The following CHD2 variants were observed in gnomAD, a reference collection of about 807,000 sequenced individuals.
CHD2 encodes ATP-dependent chromatin remodeler CHD2.
CHD2 carries 28 observed loss-of-function variants against 243.9 expected under a neutral mutation model. The ratio of observed to expected loss-of-function variants is 0.11; its 90% CI spans 0.09 to 0.16. The LOEUF is 0.16. CHD2 is among the 10% of genes least tolerant of loss of function. The pLI is 1.00. For missense variants in CHD2, 1,386 were observed against 2,209.8 expected, an observed-to-expected ratio of 0.63 and a Z score of 7.47; for synonymous variants, 775 against 779.0, an observed-to-expected ratio of 0.99 and a Z score of 0.09.
rs191486041 is a variant in CHD2, at chr15:92,964,288, A to G, written c.2001-3037A>G. Among the ~76,000 whole-genome samples, 27 of 152,342 alleles carry G rather than the reference A, an allele frequency of 1.8e-4. No individual in the cohort carries two copies. The East Asian group carries it at 5.2e-3, about 29-fold the overall frequency. Reference sequence around the variant, plus strand: ...ATTGTCATTTTCAAATAAAGTTTCAAAATTGTTGTTCACAAAGATATGTAT... The same window carrying G: ...ATTGTCATTTTCAAATAAAGTTTCAGAATTGTTGTTCACAAAGATATGTAT... On this transcript the variant is annotated intron_variant, in intron 16 of 38. Transcript: ENST00000394196.
rs1452548579 is a variant in CHD2 at position 93,027,149 on chromosome 15, G to T, written c.*2444G>T. 1 of 152,524 alleles carries T rather than the reference G, an allele frequency of 6.6e-6. No homozygotes were observed. The highest frequency in any genetic ancestry group is 1.5e-5 in the Non-Finnish European group (1 of 68,014). The allele number at this position is 152,524 out of a possible 1,614,324, so 9.4% of individuals were successfully genotyped here. A position where few individuals can be genotyped will look rare whatever the true frequency, so the allele number is the denominator to read the frequency against. On this transcript the variant is annotated 3_prime_UTR_variant, in exon 39 of 39. Transcript: ENST00000394196. ...TGTTTGAAGAGTGTGCTGGGAAAAA[G>T]GAAGCATTTCTTCATTGATTTAAAT...
intron 16 of CHD2, among the ~76,000 whole-genome samples, chr15:92,959,709 C>T (rs1273700310): frequency 6.6e-6 from 1 of 152,180 alleles, no homozygotes; most frequent in Non-Finnish European, 1.5e-5. Flanking sequence ...CCAGGCTGGT[C>T]TCGAACTCCT....
At chr15:92,921,636 A>G (rs569394813) in intron 2 of CHD2, among the ~76,000 whole-genome samples, 1 of 152,310 alleles carries the variant, frequency 6.6e-6, no homozygotes, top group Non-Finnish European at 1.5e-5. Flanking sequence ...CGACTCACTA[A>G]TGGGTGTTAG....
intron 13 of CHD2, among the ~76,000 whole-genome samples, chr15:92,950,115 C>T (rs373425839): frequency 3.3e-5 from 5 of 152,154 alleles, no homozygotes; most frequent in African/African-American, 1.2e-4. Context: ...TGGGCACGTT[C>T]GGACATGTCT....
chr15:92,902,396 A>G (rs1481675152), intron 2 of CHD2: 1 of 380,386 alleles, frequency 2.6e-6, no homozygotes, highest in Non-Finnish European at 4.6e-6. Flanking sequence ...TAAATCATGC[A>G]GTTTAACAAG....
At chr15:92,986,224 T>C (rs1005778468) in intron 26 of CHD2, among the ~76,000 whole-genome samples, 4 of 152,208 alleles carry the variant, frequency 2.6e-5, no homozygotes, top group African/African-American at 9.6e-5. Context: ...CATTTCTTGG[T>C]ATCTGATTCA....
chr15:92,958,105 T>C (rs2053639918), intron 16 of CHD2, among the ~76,000 whole-genome samples: 1 of 152,204 alleles, frequency 6.6e-6, no homozygotes. Flanking sequence ...TGTTTTTCTT[T>C]CTCTTGCTTA....
chr15:93,016,762 A>C (rs1312164770), intron 37 of CHD2, among the ~76,000 whole-genome samples: 1 of 109,160 alleles, frequency 9.2e-6, no homozygotes, highest in African/African-American at 3.1e-5. Context: ...AGTCTGGGCA[A>C]TAGAGTGAGA....
At chr15:92,981,028 G>T in intron 23 of CHD2, 117 bp downstream of exon 23, 1 of 730,294 alleles carries the variant, frequency 1.4e-6, no homozygotes, top group Non-Finnish European at 2.4e-6. Flanking sequence ...TTACTTGAAG[G>T]ACAGTGTGTT....
At chr15:93,002,430 T>G in intron 33 of CHD2, 113 bp downstream of exon 33, 21 of 1,480,862 alleles carry the variant, frequency 1.4e-5, no homozygotes, top group Non-Finnish European at 1.9e-5. Flanking sequence ...TTTATGGGTA[T>G]GTTCAAGAAG....
chr15:92,984,306 A>G (rs1192669380), intron 24 of CHD2, 24 bp from the exon 25 acceptor site: 3 of 1,494,284 alleles, frequency 2.0e-6, no homozygotes, highest in Non-Finnish European at 2.7e-6. Context: ...GGGAAATGTC[A>G]GACAATGGGT....
At position 93,027,496 on chromosome 15, in the gene CHD2, C is replaced by G. The variant is rs1309576532; in HGVS notation, c.*2791C>G. The stretch of plus-strand genomic sequence containing the variant: ...GGGCTCACTCTCCTTTCAGTCATTC[C>G]TCAGCCCTTCGAAGGGAAGCCCAAA... On this transcript the variant is annotated 3_prime_UTR_variant, in exon 39 of 39. Transcript: ENST00000394196. The G allele has an allele frequency of 6.6e-6, 1 of 152,332 alleles. No homozygotes were observed. The highest frequency in any genetic ancestry group is 1.9e-4 in the East Asian group (1 of 5,204). 9.4% of individuals were successfully genotyped at this position (152,332 alleles called of 1,614,324 possible).
chr15:92,910,476 T>G (rs2052711522), intron 2 of CHD2, among the ~76,000 whole-genome samples: 1 of 152,096 alleles, frequency 6.6e-6, no homozygotes, highest in African/African-American at 2.4e-5. Context: ...CATTGCAACC[T>G]CCGCCTCCCA....
chr15:92,935,555 C>T (rs1159223587), intron 5 of CHD2, among the ~76,000 whole-genome samples: 1 of 152,080 alleles, frequency 6.6e-6, no homozygotes, highest in African/African-American at 2.4e-5. Flanking sequence ...TCTTTCTTAT[C>T]TGAAGGACTA....
intron 16 of CHD2, among the ~76,000 whole-genome samples, chr15:92,960,437 G>A (rs185324307): frequency 7.4e-4 from 113 of 152,134 alleles, no homozygotes; most frequent in Admixed American, 1.2e-3. Flanking sequence ...ATTGGGTTGA[G>A]GAGGTTTTCT....
intron 20 of CHD2, among the ~76,000 whole-genome samples, chr15:92,976,220 T>C (rs1326611319): frequency 6.6e-6 from 1 of 152,212 alleles, no homozygotes; most frequent in Non-Finnish European, 1.5e-5. Context: ...TGCATAGCTC[T>C]CAGTTGATTC....
intron 3 of CHD2, among the ~76,000 whole-genome samples, chr15:92,926,818 A>C (rs1424339819): frequency 6.6e-6 from 1 of 152,228 alleles, no homozygotes; most frequent in Non-Finnish European, 1.5e-5. Context: ...CCTGATTCTT[A>C]CTTAATTAGA....
intron 2 of CHD2, among the ~76,000 whole-genome samples, chr15:92,911,526 C>G (rs556663244): frequency 3.3e-4 from 50 of 152,118 alleles, no homozygotes; most frequent in Non-Finnish European, 5.9e-5. Flanking sequence ...TCACTTGAGG[C>G]CAGGAGTTCG....
chr15:92,943,386 C>T (rs142894829), intron 9 of CHD2: 11 of 307,234 alleles, frequency 3.6e-5, no homozygotes, highest in African/African-American at 2.4e-4. Context: ...CACAGCAATT[C>T]TGCAAGTGGA....
Sources: gnomAD v4.1 joint callset for allele counts (sites outside exome capture counted in the v4.1 genomes callset) on GRCh38, gnomAD v4.1.1 for gene constraint, MANE v1.5 for transcripts, NCBI Gene and HGNC (gene_info 2026-07-23, HGNC 2026-07-21) for gene names.